MEOX2: variants seen among roughly 807,000 people sequenced by gnomAD.
MEOX2 encodes the protein homeobox protein MOX-2.
In MEOX2, 11 loss-of-function variants were observed where a neutral mutation model predicts 27.0. The ratio of observed to expected loss-of-function variants is 0.41; its 90% CI spans 0.26 to 0.68. The LOEUF is 0.68. Ranked by LOEUF, MEOX2 falls within the 30% of genes least tolerant of loss-of-function variation. The pLI is 0.33. For missense variants in MEOX2, 436 were observed against 385.4 expected, an observed-to-expected ratio of 1.13 and a Z score of -1.10; for synonymous variants, 189 against 155.4, an observed-to-expected ratio of 1.22 and a Z score of -1.61.
intron 1 of MEOX2, among the ~76,000 whole-genome samples, chr7:15,683,012 C>T (rs892177161): frequency 1.3e-5 from 2 of 151,918 alleles, no homozygotes; most frequent in Non-Finnish European, 2.9e-5. Flanking sequence ...ATATTTGCTT[C>T]CAAAACATGA....
At chr7:15,667,557 T>A (rs1050205021) in intron 1 of MEOX2, among the ~76,000 whole-genome samples, 1 of 152,216 alleles carries the variant, frequency 6.6e-6, no homozygotes, top group African/African-American at 2.4e-5. Flanking sequence ...TAGGGAATTA[T>A]GTACAAGTTT....
intron 1 of MEOX2, chr7:15,680,522 T>C (rs1348181194): frequency 1.3e-5 from 2 of 151,972 alleles, no homozygotes; most frequent in African/African-American, 4.8e-5. Flanking sequence ...CACTGATGAC[T>C]GTGATTTAGG....
chr7:15,637,520 ACACACACACACG>A (rs1035402898), intron 1 of MEOX2, among the ~76,000 whole-genome samples: 97 of 151,902 alleles, frequency 6.4e-4, no homozygotes, highest in South Asian at 5.6e-3. Context: ...TCCAATACAC[ACACACACACACG>A]CACACACACA....
intron 1 of MEOX2, among the ~76,000 whole-genome samples, chr7:15,643,709 G>T (rs985801425): frequency 6.6e-6 from 1 of 152,176 alleles, no homozygotes; most frequent in Non-Finnish European, 1.5e-5. Flanking sequence ...TTTCATGAAG[G>T]GAGGGGTGCC....
At chr7:15,675,404 T>C (rs1254748833) in intron 1 of MEOX2, among the ~76,000 whole-genome samples, 1 of 152,202 alleles carries the variant, frequency 6.6e-6, no homozygotes, top group Non-Finnish European at 1.5e-5. Context: ...TTTGTCAAAT[T>C]CCATTTTGTT....
At chr7:15,631,050 T>C (rs377307533) in intron 1 of MEOX2, among the ~76,000 whole-genome samples, 3 of 151,922 alleles carry the variant, frequency 2.0e-5, no homozygotes, top group African/African-American at 4.8e-5. Flanking sequence ...GAGTTAAAAA[T>C]TGGATCGAGC....
chr7:15,658,099 C>T (rs1313900101), intron 1 of MEOX2, among the ~76,000 whole-genome samples: 11 of 152,322 alleles, frequency 7.2e-5, no homozygotes, highest in Admixed American at 2.6e-4. Context: ...TAGGTGGAGT[C>T]GTCCTCGTTA....
intron 1 of MEOX2, among the ~76,000 whole-genome samples, chr7:15,637,757 C>T (rs1235573408): frequency 1.3e-5 from 2 of 151,676 alleles, no homozygotes; most frequent in East Asian, 3.9e-4. Context: ...TTGAAGCCAG[C>T]AGACTTGGGT....
chr7:15,626,063 G>T (rs1213549946), intron 2 of MEOX2, among the ~76,000 whole-genome samples: 1 of 152,060 alleles, frequency 6.6e-6, no homozygotes, highest in East Asian at 1.9e-4. Flanking sequence ...CAGCCATCTT[G>T]CACCTAAGCC....
intron 1 of MEOX2, among the ~76,000 whole-genome samples, chr7:15,636,123 T>G (rs1341402173): frequency 6.6e-6 from 1 of 151,992 alleles, no homozygotes; most frequent in East Asian, 1.9e-4. Context: ...TAATTAATAC[T>G]TCTAAATGGA....
chr7:15,621,239 A>G (rs1423448603), intron 2 of MEOX2, among the ~76,000 whole-genome samples: 1 of 152,254 alleles, frequency 6.6e-6, no homozygotes, highest in East Asian at 1.9e-4. Context: ...TAGAAGCTAG[A>G]AGATTTACTG....
intron 1 of MEOX2, among the ~76,000 whole-genome samples, chr7:15,649,426 T>C (rs1345654285): frequency 6.6e-6 from 1 of 152,008 alleles, no homozygotes. Context: ...GAAGCATCTA[T>C]GGATGATGAA....
chr7:15,660,691 C>T lies in MEOX2; in HGVS notation c.517+25195G>A, dbSNP rs113686356. On this transcript the variant is annotated intron_variant, in intron 1 of 2. Transcript: ENST00000262041. Reference sequence around the variant, plus strand: ...TCCATGCCTGTCATATAGTGCTCAACGAACAATGGTTAAATCCACGGTCAC... The same window carrying T: ...TCCATGCCTGTCATATAGTGCTCAATGAACAATGGTTAAATCCACGGTCAC... Among the ~76,000 whole-genome samples, 276 of 152,190 alleles carry T rather than the reference C, an allele frequency of 1.8e-3. 1 individual carries two copies. The highest frequency in any genetic ancestry group is 0.014 in the Middle Eastern group (4 of 294).
chr7:15,645,469 GA>G (rs1165695533), intron 1 of MEOX2, among the ~76,000 whole-genome samples: 3 of 152,202 alleles, frequency 2.0e-5, no homozygotes, highest in Non-Finnish European at 2.9e-5. Flanking sequence ...TCATACCAGT[GA>G]AAAGAAACAC....
intron 2 of MEOX2, among the ~76,000 whole-genome samples, chr7:15,618,897 G>A (rs998760391): frequency 6.6e-6 from 1 of 151,720 alleles, no homozygotes; most frequent in Middle Eastern, 3.2e-3. Context: ...CTTCAAAACC[G>A]TCAAAAATTT....
intron 2 of MEOX2, among the ~76,000 whole-genome samples, chr7:15,622,097 A>T (rs957578705): frequency 6.6e-6 from 1 of 152,206 alleles, no homozygotes; most frequent in African/African-American, 2.4e-5. Context: ...AGCCTTGGTG[A>T]CAGAGCGAGA....
chr7:15,661,456 A>G (rs1258705944), intron 1 of MEOX2, among the ~76,000 whole-genome samples: 1 of 152,196 alleles, frequency 6.6e-6, no homozygotes, highest in African/African-American at 2.4e-5. Context: ...TGGGGCCTGA[A>G]TTTTGGAATG....
At chr7:15,630,114 T>A (rs1781378943) in intron 1 of MEOX2, among the ~76,000 whole-genome samples, 1 of 152,062 alleles carries the variant, frequency 6.6e-6, no homozygotes, top group South Asian at 2.1e-4. Context: ...TCTCAGATAC[T>A]TTAATGCACC....
At chr7:15,630,158 G>A (rs1273969316) in intron 1 of MEOX2, among the ~76,000 whole-genome samples, 2 of 151,974 alleles carry the variant, frequency 1.3e-5, no homozygotes, top group Non-Finnish European at 2.9e-5. Flanking sequence ...TCAGCGCTTC[G>A]AGGAAATGTT....
Sources: gnomAD v4.1 joint callset for allele counts (sites outside exome capture counted in the v4.1 genomes callset) on GRCh38, gnomAD v4.1.1 for gene constraint, MANE v1.5 for transcripts, NCBI Gene and HGNC (gene_info 2026-07-23, HGNC 2026-07-21) for gene names.